The following PLEKHG7 variants were observed in gnomAD, a reference collection of about 807,000 sequenced individuals.
The protein encoded by PLEKHG7 is pleckstrin homology domain-containing family G member 7.
Under a neutral mutation model 85.2 loss-of-function variants are expected in PLEKHG7, and 77 were observed. That is an observed-to-expected ratio of 0.90 (90% CI 0.75 to 1.09). The LOEUF is 1.09. Among genes scored for constraint, PLEKHG7 ranks in the 50% least tolerant of loss-of-function variants. PLEKHG7 has a pLI of 0.00. For synonymous variants in PLEKHG7, 301 were observed against 302.4 expected, an observed-to-expected ratio of 1.00 and a Z score of 0.05; for missense variants, 777 against 804.3, an observed-to-expected ratio of 0.97 and a Z score of 0.41.
intron 14 of PLEKHG7, among the ~76,000 whole-genome samples, chr12:92,762,457 T>C (rs1873064417): frequency 6.6e-6 from 1 of 152,164 alleles, no homozygotes; most frequent in Admixed American, 6.5e-5. Flanking sequence ...AAAATCTCTA[T>C]AGGGAATAGG....
chr12:92,707,929 G>T lies in PLEKHG7; in HGVS notation c.530+257G>T, dbSNP rs929299583. 5.6e-6 allele frequency: 3 copies of T among 538,766 alleles called. No homozygotes were observed. The African/African-American group carries it at 5.7e-5, about 10-fold the overall frequency. The allele number at this position is 538,766 out of a possible 1,614,324, so 33.4% of individuals were successfully genotyped here. ...TTTCATTTTGAATTGTCAATGTCTT[G>T]GCCCTGTGGCTTAATTAACATCCAC... On this transcript the variant is annotated intron_variant, in intron 3 of 16. Transcript: ENST00000344636.
At chr12:92,756,250 T>A in intron 12 of PLEKHG7, 48 bp from the exon 13 acceptor site, 1 of 1,410,506 alleles carries the variant, frequency 7.1e-7, no homozygotes, top group Non-Finnish European at 1.0e-6. Flanking sequence ...ACATGTTCTC[T>A]TCCAATCACT....
At chr12:92,712,472 C>G (rs143769917) in intron 3 of PLEKHG7, among the ~76,000 whole-genome samples, 2,104 of 152,266 alleles carry the variant, frequency 0.014, 44 homozygotes, top group African/African-American at 0.049. Context: ...TTGGAGTCAC[C>G]ACTTGGTTAA....
At chr12:92,704,598 C>A (rs184275707) in intron 1 of PLEKHG7, among the ~76,000 whole-genome samples, 152 of 152,272 alleles carry the variant, frequency 1.0e-3, no homozygotes, top group Admixed American at 1.6e-3. Context: ...CAATTGAGTC[C>A]TCAGCTCAAA....
intron 3 of PLEKHG7, among the ~76,000 whole-genome samples, chr12:92,708,736 T>C (rs942040799): frequency 2.6e-5 from 4 of 152,192 alleles, no homozygotes; most frequent in African/African-American, 9.7e-5. Flanking sequence ...AGAGGACAAG[T>C]AGAAACATGC....
intron 3 of PLEKHG7, among the ~76,000 whole-genome samples, chr12:92,718,172 G>A (rs952629676): frequency 2.0e-5 from 3 of 152,076 alleles, no homozygotes; most frequent in East Asian, 1.9e-4. Flanking sequence ...CAGCTTCTTC[G>A]GGGCTTTAAG....
At chr12:92,741,188 T>C (rs1287611588) in intron 8 of PLEKHG7, among the ~76,000 whole-genome samples, 1 of 152,224 alleles carries the variant, frequency 6.6e-6, no homozygotes, top group African/African-American at 2.4e-5. Context: ...AACACATTCC[T>C]AAGATCTCCA....
chr12:92,709,765 G>A (rs1323512073), intron 3 of PLEKHG7, among the ~76,000 whole-genome samples: 1 of 152,216 alleles, frequency 6.6e-6, no homozygotes, highest in Non-Finnish European at 1.5e-5. Flanking sequence ...AGGTCAGGCT[G>A]GGCACAATGG....
chr12:92,721,312 A>C (rs916755671), intron 3 of PLEKHG7: 1 of 476,870 alleles, frequency 2.1e-6, no homozygotes, highest in South Asian at 1.2e-4. Context: ...GTGCTGACAC[A>C]TGGGTGCACG....
intron 15 of PLEKHG7, among the ~76,000 whole-genome samples, chr12:92,767,455 G>C (rs1303690917): frequency 1.3e-5 from 2 of 151,220 alleles, no homozygotes; most frequent in East Asian, 3.9e-4. Flanking sequence ...CTTGCTACAG[G>C]GAATTTATAA....
chr12:92,731,131 G>A (rs1193110957), intron 4 of PLEKHG7, among the ~76,000 whole-genome samples: 1 of 152,190 alleles, frequency 6.6e-6, no homozygotes, highest in Non-Finnish European at 1.5e-5. Flanking sequence ...TCCAAAGCTA[G>A]AAAAGCACAG....
intron 16 of PLEKHG7, 91 bp downstream of exon 16, chr12:92,769,171 G>T: frequency 9.8e-7 from 1 of 1,020,910 alleles, no homozygotes; most frequent in Non-Finnish European, 1.4e-6. Context: ...GGAAAGTTTT[G>T]TGTTTTTCTC....
chr12:92,747,796 G>A (rs1872575882), intron 10 of PLEKHG7, among the ~76,000 whole-genome samples: 1 of 152,184 alleles, frequency 6.6e-6, no homozygotes, highest in African/African-American at 2.4e-5. Flanking sequence ...GCCAAGCACA[G>A]AAAGACAGAT....
chr12:92,719,817 C>T (rs189195306), intron 3 of PLEKHG7, among the ~76,000 whole-genome samples: 282 of 152,322 alleles, frequency 1.9e-3, no homozygotes, highest in Non-Finnish European at 3.1e-3. Context: ...CATCTTCAAA[C>T]GTTTCTGCCA....
chr12:92,747,259 G>GAAA (rs36024259), intron 10 of PLEKHG7, among the ~76,000 whole-genome samples: 24 of 147,864 alleles, frequency 1.6e-4, no homozygotes, highest in African/African-American at 4.2e-4. Context: ...ACAGGTATAT[G>GAAA]AAAAAAAAAA....
At chr12:92,757,320 A>G (rs79245016) in intron 13 of PLEKHG7, among the ~76,000 whole-genome samples, 9,484 of 152,298 alleles carry the variant, frequency 0.062, 370 homozygotes, top group Non-Finnish European at 0.092. Flanking sequence ...TGGCTGAAAT[A>G]AGGTTTTAAA....
At chr12:92,743,591 G>A (rs573005400) in intron 9 of PLEKHG7, among the ~76,000 whole-genome samples, 1 of 152,210 alleles carries the variant, frequency 6.6e-6, no homozygotes, top group East Asian at 1.9e-4. Context: ...TCAGAGTCTT[G>A]CTCTGTCACC....
In PLEKHG7 at chr12:92,755,673, T is replaced by C. The variant is rs957150770; in HGVS notation, c.1427-152T>C. The C allele has an allele frequency of 1.3e-5, 8 of 627,876 alleles. No individual in the cohort carries two copies. In the Admixed American group the frequency reaches 2.5e-4, roughly 19 times the overall value. The allele number at this position is 627,876 out of a possible 1,614,324, so 38.9% of individuals were successfully genotyped here. On this transcript the variant is annotated intron_variant, in intron 11 of 16. Coordinates refer to ENST00000344636, the MANE Select transcript of PLEKHG7 (RefSeq NM_001377329.1). The stretch of plus-strand genomic sequence containing the variant: ...AAATTAGTGAGTTTTCTAAGACGCA[T>C]GAACAGCAAGCAATATGTGAAATGA...
At chr12:92,762,384 T>G (rs1005679866) in intron 14 of PLEKHG7, among the ~76,000 whole-genome samples, 1 of 152,218 alleles carries the variant, frequency 6.6e-6, no homozygotes, top group Non-Finnish European at 1.5e-5. Context: ...ATATAAAAAG[T>G]GTAGAAGCCA....
Sources: gnomAD v4.1 joint callset for allele counts (sites outside exome capture counted in the v4.1 genomes callset) on GRCh38, gnomAD v4.1.1 for gene constraint, MANE v1.5 for transcripts, NCBI Gene and HGNC (gene_info 2026-07-23, HGNC 2026-07-21) for gene names.